The following HIVEP1 variants were observed in gnomAD, a reference collection of about 807,000 sequenced individuals.
The protein encoded by HIVEP1 is zinc finger protein 40.
HIVEP1 carries 36 observed loss-of-function variants against 180.0 expected under a neutral mutation model. The ratio of observed to expected loss-of-function variants is 0.20; its 90% CI spans 0.15 to 0.26. The LOEUF is 0.26. Ranked by LOEUF, HIVEP1 falls within the 10% of genes least tolerant of loss-of-function variation. The pLI, the probability that HIVEP1 is intolerant of heterozygous loss-of-function variation, is 1.00. For synonymous variants in HIVEP1, 1,239 were observed against 1,239.0 expected, an observed-to-expected ratio of 1.00 and a Z score of 0.00; for missense variants, 3,143 against 3,268.7, an observed-to-expected ratio of 0.96 and a Z score of 0.94.
At chr6:12,089,581 G>T (rs556474140) in intron 3 of HIVEP1, among the ~76,000 whole-genome samples, 24 of 151,350 alleles carry the variant, frequency 1.6e-4, no homozygotes, top group African/African-American at 5.6e-4. Context: ...GTGTTCATGT[G>T]TGCATTCATG....
chr6:12,200,330 G>A, the HIVEP1 span, among the ~76,000 whole-genome samples: 2 of 152,314 alleles, frequency 1.3e-5, no homozygotes, highest in Middle Eastern at 3.4e-3. Flanking sequence ...TTAAAATTGC[G>A]CATAAATATG....
At chr6:12,050,438 T>C (rs930931645) in intron 2 of HIVEP1, among the ~76,000 whole-genome samples, 2 of 151,906 alleles carry the variant, frequency 1.3e-5, no homozygotes, top group African/African-American at 4.8e-5. Flanking sequence ...TCAAAAACAC[T>C]AGCCGGGCGT....
In HIVEP1 at chr6:12,096,670, C is replaced by T. The variant is rs138977560; in HGVS notation, c.94+7433C>T. 4.6e-5 allele frequency among the ~76,000 whole-genome samples: 7 copies of T among 151,726 alleles called. No individual in the cohort carries two copies. In the East Asian group the frequency reaches 9.6e-4, roughly 21 times the overall value. ...TTACCACACATAACATTTTTTAAAA[C>T]GAAGGCTAATTTCGAATAAATATTT... On this transcript the variant is annotated intron_variant, in intron 3 of 8. Transcript: ENST00000379388.
chr6:12,008,569 C>T (rs1767119420), upstream of HIVEP1: 1 of 151,954 alleles, frequency 6.6e-6, no homozygotes, highest in Non-Finnish European at 1.5e-5. Flanking sequence ...AGTGTGGGTC[C>T]TTTCCCGCGA....
At chr6:12,013,806 A>G (rs1767554771) in intron 1 of HIVEP1, among the ~76,000 whole-genome samples, 1 of 123,288 alleles carries the variant, frequency 8.1e-6, no homozygotes, top group African/African-American at 3.0e-5. Flanking sequence ...ATGCTAGATG[A>G]AATACTTAGA....
chr6:12,040,321 A>T (rs1769593406), intron 2 of HIVEP1, among the ~76,000 whole-genome samples: 1 of 152,244 alleles, frequency 6.6e-6, no homozygotes, highest in Non-Finnish European at 1.5e-5. Context: ...AGAATAATTT[A>T]AAATTGTGTA....
the HIVEP1 span, among the ~76,000 whole-genome samples, chr6:12,186,934 A>G: frequency 6.6e-6 from 1 of 152,130 alleles, no homozygotes; most frequent in African/African-American, 2.4e-5. Flanking sequence ...AATCAAAACT[A>G]TATAAATTAA....
chr6:12,121,035 G>A lies in HIVEP1; in HGVS notation c.1240G>A (p.Ala414Thr), dbSNP rs1664917821. 6.2e-7 allele frequency: 1 copy of A among 1,614,212 alleles called. No individual in the cohort carries two copies. The highest frequency in any genetic ancestry group is 2.2e-5 in the East Asian group (1 of 44,886). The change falls in exon 4 of 9, where the codon GCA becomes ACA. Residue 414 changes from alanine (A) to threonine (T), a missense_variant. Ala to Thr is a moderately conservative substitution (Grantham distance 58, BLOSUM62 0). Coordinates refer to ENST00000379388, the MANE Select transcript of HIVEP1 (RefSeq NM_002114.4). This position sits in a 1 kb window ranked among gnomAD's most constrained non-coding sequence, Gnocchi z 5.3. ...ATATATTTGTGAGTATTGCAATAGAGCATGTGCAAAGCCTAGTGTGCTTTT... is the reference window on the plus strand; with the variant it reads ...ATATATTTGTGAGTATTGCAATAGAACATGTGCAAAGCCTAGTGTGCTTTT... ...GKYICEYCNRACAKPSVLLKH... is the reference protein window; with the variant it reads ...GKYICEYCNRTCAKPSVLLKH...
intron 3 of HIVEP1, among the ~76,000 whole-genome samples, chr6:12,107,043 C>T (rs1774473127): frequency 6.6e-6 from 1 of 152,146 alleles, no homozygotes; most frequent in African/African-American, 2.4e-5. Flanking sequence ...TTTCTATGTC[C>T]TCTTAACTTT....
At chr6:12,012,699 T>C (rs1226080262) in intron 1 of HIVEP1, 133 bp downstream of exon 1, 3 of 149,202 alleles carry the variant, frequency 2.0e-5, no homozygotes, top group Non-Finnish European at 4.4e-5. Flanking sequence ...TGTGTGCGTG[T>C]GTGTGCAACC....
chr6:12,123,058 T>C lies in HIVEP1; in HGVS notation c.3263T>C (p.Leu1088Ser), dbSNP rs1007470492. 3 of 1,614,010 alleles carry C rather than the reference T, an allele frequency of 1.9e-6. No individual in the cohort carries two copies. The African/African-American group carries it at 4.0e-5, about 22-fold the overall frequency. The change falls in exon 4 of 9, where the codon TTG becomes TCG. Residue 1088 changes from leucine (L) to serine (S), a missense_variant. Leu to Ser is a moderately radical substitution (Grantham distance 145). Transcript: ENST00000379388. The stretch of plus-strand genomic sequence containing the variant: ...GACCAGCAGCATAAAAATATACAGT[T>C]GCAAAACTCCCATATTCACCTTGTT... ...RSDQQHKNIQ[L>S]QNSHIHLVAR... is the part of the protein sequence containing the mutation.
intron 2 of HIVEP1, among the ~76,000 whole-genome samples, chr6:12,068,842 T>C (rs1771776121): frequency 6.6e-6 from 1 of 152,056 alleles, no homozygotes; most frequent in South Asian, 2.1e-4. Flanking sequence ...GAGTAATACA[T>C]GAACTTAAAT....
intron 3 of HIVEP1, among the ~76,000 whole-genome samples, chr6:12,098,512 C>T (rs1182373225): frequency 1.3e-5 from 2 of 152,132 alleles, no homozygotes. Context: ...ATATGTGTTG[C>T]TGTTCATCTA....
chr6:12,015,877 G>A (rs1004758304), intron 2 of HIVEP1, among the ~76,000 whole-genome samples: 5 of 152,156 alleles, frequency 3.3e-5, no homozygotes, highest in African/African-American at 4.8e-5. Flanking sequence ...TGAATTTGAC[G>A]AAATTACAGT....
chr6:12,115,474 C>G (rs1775157765), intron 3 of HIVEP1, among the ~76,000 whole-genome samples: 2 of 148,506 alleles, frequency 1.3e-5, no homozygotes, highest in East Asian at 2.0e-4. Flanking sequence ...AGTGGTCTGA[C>G]AGGGGCAGTG....
At chr6:12,008,670 G>A (rs1767125804), upstream of HIVEP1, 2 of 152,064 alleles carry the variant, frequency 1.3e-5, no homozygotes, top group Admixed American at 1.3e-4. Flanking sequence ...AGAAACCGAT[G>A]GAGGCGGTGC....
chr6:12,152,792 C>G (rs1226075333), intron 7 of HIVEP1, among the ~76,000 whole-genome samples: 4 of 143,186 alleles, frequency 2.8e-5, no homozygotes, highest in Non-Finnish European at 4.6e-5. Flanking sequence ...TGTGGCTCAT[C>G]CAGGAGGGGA....
the HIVEP1 span, among the ~76,000 whole-genome samples, chr6:12,206,175 C>T: frequency 2.0e-5 from 3 of 151,978 alleles, no homozygotes; most frequent in African/African-American, 7.3e-5. Flanking sequence ...GCTCTGTCAC[C>T]CAGGCTGGAA....
intron 3 of HIVEP1, among the ~76,000 whole-genome samples, chr6:12,098,387 G>A (rs1306273150): frequency 1.3e-5 from 2 of 152,092 alleles, no homozygotes; most frequent in Non-Finnish European, 2.9e-5. Flanking sequence ...AGAGTGGTAT[G>A]GGGAGAAAAA....
Sources: gnomAD v4.1 joint callset for allele counts (sites outside exome capture counted in the v4.1 genomes callset) on GRCh38, gnomAD v4.1.1 for gene constraint, Gnocchi (gnomAD v3.1) non-coding constraint, MANE v1.5 for transcripts, NCBI Gene and HGNC (gene_info 2026-07-23, HGNC 2026-07-21) for gene names.